The following ZNF799 variants were observed in gnomAD, a reference collection of about 807,000 sequenced individuals.
ZNF799 encodes zinc finger protein 14.
ZNF799 carries 28 observed loss-of-function variants against 41.0 expected under a neutral mutation model. The observed-to-expected ratio is 0.68, with a 90% CI of 0.51 to 0.94. The LOEUF (loss-of-function observed/expected upper bound fraction) is 0.94, where lower values mean the gene tolerates loss of function less well. Ranked by LOEUF, ZNF799 falls within the 40% of genes least tolerant of loss-of-function variation. ZNF799 has a pLI of 0.00. For synonymous variants in ZNF799, 213 were observed against 252.9 expected, an observed-to-expected ratio of 0.84 and a Z score of 1.50; for missense variants, 716 against 764.3, an observed-to-expected ratio of 0.94 and a Z score of 0.74.
upstream of ZNF799, among the ~76,000 whole-genome samples, chr19:12,403,188 A>G (rs1007347755): frequency 1.4e-4 from 22 of 152,120 alleles, no homozygotes; most frequent in African/African-American, 3.6e-4. Context: ...GAATTTATCA[A>G]TTTCTTCTAG....
At chr19:12,407,282 G>T in the ZNF799 span, among the ~76,000 whole-genome samples, 1 of 151,996 alleles carries the variant, frequency 6.6e-6, no homozygotes, top group Non-Finnish European at 1.5e-5. Flanking sequence ...TGGGCAACAT[G>T]GTGAAACTCC....
rs1399237585 is a variant in ZNF799, at chr19:12,391,497, T to C, written c.901A>G (p.Thr301Ala). 6.8e-6 allele frequency: 11 copies of C among 1,614,016 alleles called. No homozygotes were observed. The highest frequency in any genetic ancestry group is 9.3e-6 in the Non-Finnish European group (11 of 1,179,988). The change falls in exon 4 of 4, where the codon ACA becomes GCA. Residue 301 changes from threonine to alanine, a missense_variant. Physicochemically the swap from Thr to Ala is moderately conservative, Grantham distance 58. Coordinates refer to ENST00000430385, the MANE Select transcript of ZNF799 (RefSeq NM_001080821.3). The stretch of plus-strand genomic sequence containing the variant: ...TAGGGTTTCTCATCAGTGTGAGTTG[T>C]TTCGTGTCTTCGAAGGGAAGTGGAA... The part of the protein sequence containing the change: ...SASTSLRRHE[T>A]THTDEKPYAC...
rs763943828 is a variant in ZNF799, at chr19:12,390,933, G to T, written c.1465C>A (p.Gln489Lys). Residue 489 changes from glutamine to lysine, a missense_variant, in exon 4 of 4, where the codon CAA becomes AAA. Physicochemically the swap from Gln to Lys is moderately conservative, Grantham distance 53 (BLOSUM62 1). Transcript: ENST00000430385. ...KECGKAFSCF[Q>K]YLSQHRRTHT... ...GTCCTTCTATGTTGAGAAAGGTATT[G>T]GAAACAACTGAATGCTTTCCCACAT... 28 of 1,611,140 alleles carry T rather than the reference G, an allele frequency of 1.7e-5. No individual in the cohort carries two copies. Among genetic ancestry groups the T allele is most frequent in the African/African-American group, 9.5e-5 (7 of 74,034 alleles).
chr19:12,395,775 A>C (rs564555696), intron 1 of ZNF799, among the ~76,000 whole-genome samples: 87 of 152,372 alleles, frequency 5.7e-4, no homozygotes, highest in African/African-American at 2.1e-3. Context: ...AGTAAGCAGA[A>C]CATAAAGCAT....
Position 12,391,886 on chromosome 19 carries a change from C to A in ZNF799, c.512G>T (p.Cys171Phe), listed in dbSNP as rs1969826617. The change falls in exon 4 of 4, where the codon TGT (cysteine) becomes TTT (phenylalanine). Residue 171 changes from cysteine (C) to phenylalanine (F), a missense_variant. Physicochemically the swap from Cys to Phe is radical, Grantham distance 205. This residue lies in a region of ZNF799 where 698 missense variants were observed against 713.6 expected (regional missense o/e 0.98). Transcript: ENST00000430385. ...ACTGAAGGACTTCCCACATTCTTTA[C>A]AATTATATGGTTTCTTTCCAGTGTG... Reference protein sequence around the residue: ...RLHTGKKPYNCKECGKSFSSL... With the variant: ...RLHTGKKPYNFKECGKSFSSL... 1 of 1,614,080 alleles carries A rather than the reference C, an allele frequency of 6.2e-7. No individual in the cohort carries two copies. The highest frequency in any genetic ancestry group is 1.3e-5 in the African/African-American group (1 of 74,936).
Position 12,391,937 on chromosome 19 carries a change from T to C in ZNF799, c.461A>G (p.Asn154Ser), listed in dbSNP as rs776512321. The change falls in exon 4 of 4, where the codon AAC becomes AGC. Residue 154 changes from asparagine (N) to serine (S), a missense_variant. By Grantham distance (46) the Asn-to-Ser change is conservative. Coordinates refer to ENST00000430385, the MANE Select transcript of ZNF799 (RefSeq NM_001080821.3). ...KQRGKAFSYHNSLQTHERLHT... is the reference protein window; with the variant it reads ...KQRGKAFSYHSSLQTHERLHT... ...AAGCCTCTCATGTGTTTGAAGTGAG[T>C]TGTGGTAACTGAAGGCTTTCCCACG... 9 of 1,614,004 alleles carry C rather than the reference T, an allele frequency of 5.6e-6. No individual in the cohort carries two copies. The East Asian group carries it at 6.7e-5, about 12-fold the overall frequency.
chr19:12,412,040 C>G, the ZNF799 span, among the ~76,000 whole-genome samples: 4 of 152,174 alleles, frequency 2.6e-5, no homozygotes, highest in Non-Finnish European at 5.9e-5. Context: ...ATCTCCCTTA[C>G]GTAACCATCT....
chr19:12,398,915 T>C (rs750487144), intron 1 of ZNF799, among the ~76,000 whole-genome samples: 12 of 151,726 alleles, frequency 7.9e-5, no homozygotes, highest in South Asian at 4.2e-4. Flanking sequence ...TAAATAAAGG[T>C]TTTTAAAAAA....
intron 1 of ZNF799, chr19:12,394,351 C>A (rs1272890018): frequency 6.4e-6 from 1 of 157,478 alleles, no homozygotes; most frequent in Non-Finnish European, 1.4e-5. Flanking sequence ...AATACTGTTT[C>A]TTATAAATTA....
At chr19:12,397,421 C>T (rs925612948) in intron 1 of ZNF799, among the ~76,000 whole-genome samples, 4 of 150,956 alleles carry the variant, frequency 2.6e-5, no homozygotes, top group Admixed American at 2.6e-4. Flanking sequence ...AAAAATTAGC[C>T]AGGCGTGGTG....
the ZNF799 span, among the ~76,000 whole-genome samples, chr19:12,409,026 ACT>A: frequency 5.1e-3 from 769 of 150,700 alleles, 1 homozygote; most frequent in Admixed American, 0.011. Flanking sequence ...TAATTGTGAA[ACT>A]CCACCTCAAG....
At chr19:12,394,760 T>C in intron 1 of ZNF799, 1 of 985,220 alleles carries the variant, frequency 1.0e-6, no homozygotes, top group South Asian at 4.7e-5. Flanking sequence ...ACAAATCTTT[T>C]AGTAGTCAAC....
upstream of ZNF799, among the ~76,000 whole-genome samples, chr19:12,404,168 A>G (rs1256624613): frequency 6.6e-6 from 1 of 152,176 alleles, no homozygotes; most frequent in Non-Finnish European, 1.5e-5. Context: ...TTGAACTAAC[A>G]TATGGTCTAT....
chr19:12,414,659 T>TGTTA, the ZNF799 span, among the ~76,000 whole-genome samples: 1 of 152,146 alleles, frequency 6.6e-6, no homozygotes, highest in Admixed American at 6.5e-5. Context: ...GAAATAAAAC[T>TGTTA]GTTACATGCA....
chr19:12,390,701 C>T lies in ZNF799; in HGVS notation c.1697G>A (p.Gly566Asp), dbSNP rs374284632. The change falls in exon 4 of 4, where the codon GGT (glycine) becomes GAT (aspartate). Residue 566 changes from glycine (G) to aspartate (D), a missense_variant. Gly to Asp is a moderately conservative substitution (Grantham distance 94). This residue lies in a region of ZNF799 where 698 missense variants were observed against 713.6 expected (regional missense o/e 0.98). Transcript: ENST00000430385. ...AAAACGGGAATGAGTGAAGGCTTTACCACATTGTTGACACTCATAGGGTTT... is the reference window on the plus strand; with the variant it reads ...AAAACGGGAATGAGTGAAGGCTTTATCACATTGTTGACACTCATAGGGTTT... ...REKPYECQQC[G>D]KAFTHSRFLQ... The T allele has an allele frequency of 1.6e-5, 26 of 1,613,460 alleles. No individual in the cohort carries two copies. In the African/African-American group the frequency reaches 2.8e-4, roughly 17 times the overall value.
rs1478423408 is a variant in ZNF799 at position 12,390,090 on chromosome 19, A to C, written c.*376T>G. On this transcript the variant is annotated 3_prime_UTR_variant, in exon 4 of 4. Transcript: ENST00000430385. ...TGATAGGCTGACAATTACTGCATCT[A>C]TACTGAAAATACATAGACTCTTTTC... is the stretch of plus-strand genomic sequence containing the variant. The C allele has an allele frequency of 3.3e-6, 1 of 299,026 alleles. No individual in the cohort carries two copies. Among genetic ancestry groups the C allele is most frequent in the Middle Eastern group, 1.1e-3 (1 of 908 alleles). The allele number at this position is 299,026 out of a possible 1,614,324, so 18.5% of individuals were successfully genotyped here.
At chr19:12,406,066 G>A (rs1970027176), upstream of ZNF799, among the ~76,000 whole-genome samples, 1 of 151,060 alleles carries the variant, frequency 6.6e-6, no homozygotes, top group Admixed American at 6.6e-5. Flanking sequence ...CCAGCTACTC[G>A]GGAGGCTGAG....
the ZNF799 span, among the ~76,000 whole-genome samples, chr19:12,413,006 C>G: frequency 1.5e-5 from 2 of 137,228 alleles, no homozygotes; most frequent in African/African-American, 5.6e-5. Flanking sequence ...GAGATCACAC[C>G]ATTGCACTGC....
chr19:12,414,672 GA>G, the ZNF799 span, among the ~76,000 whole-genome samples: 1 of 152,136 alleles, frequency 6.6e-6, no homozygotes, highest in Non-Finnish European at 1.5e-5. Context: ...TACATGCATG[GA>G]AAAACTGGAA....
Sources: allele counts gnomAD v4.1 joint callset (sites outside exome capture counted in the v4.1 genomes callset), GRCh38; gene constraint gnomAD v4.1.1; regional missense constraint gnomAD v4.1.1; transcripts MANE v1.5; gene names NCBI Gene and HGNC (gene_info 2026-07-23, HGNC 2026-07-21).